The following DAB1 variants were observed in gnomAD, a reference collection of about 807,000 sequenced individuals.
DAB1 encodes disabled homolog 1.
DAB1 carries 15 observed loss-of-function variants against 64.6 expected under a neutral mutation model. The ratio of observed to expected loss-of-function variants is 0.23; its 90% confidence interval spans 0.16 to 0.36. The LOEUF (loss-of-function observed/expected upper bound fraction) is 0.36. Ranked by LOEUF, DAB1 falls within the 10% of genes least tolerant of loss-of-function variation. The pLI is 1.00. For synonymous variants in DAB1, 235 were observed against 251.9 expected (o/e 0.93, Z 0.64); for missense variants, 596 against 706.7 (o/e 0.84, Z 1.78).
intron 4 of DAB1, among the ~76,000 whole-genome samples, chr1:58,220,374 C>T (rs993841390): frequency 1.2e-4 from 19 of 152,128 alleles, no homozygotes; most frequent in African/African-American, 4.1e-4. Flanking sequence ...GTGTTTCTAA[C>T]ATGACCATGG....
intron 5 of DAB1, among the ~76,000 whole-genome samples, chr1:58,087,510 T>C (rs1206649258): frequency 2.0e-5 from 3 of 152,210 alleles, no homozygotes; most frequent in Non-Finnish European, 4.4e-5. Context: ...GAGCTTGATC[T>C]GATATAGGGA....
At chr1:57,219,264 A>AAC (rs60049165) in intron 2 of DAB1, among the ~76,000 whole-genome samples, 29,597 of 149,474 alleles carry the variant, frequency 0.2, 3,162 homozygotes, top group East Asian at 0.38. Context: ...GAGGCATTTC[A>AAC]ACACACACAC....
chr1:58,147,479 G>C (rs769846645), intron 5 of DAB1, among the ~76,000 whole-genome samples: 1 of 151,384 alleles, frequency 6.6e-6, no homozygotes, highest in African/African-American at 2.4e-5. Flanking sequence ...TTAGCCAGGC[G>C]TGGTGGCAGA....
chr1:58,177,128 A>G (rs1656527145), intron 4 of DAB1, among the ~76,000 whole-genome samples: 1 of 152,228 alleles, frequency 6.6e-6, no homozygotes, highest in African/African-American at 2.4e-5. Flanking sequence ...TGGAGCTCAG[A>G]TAATTTCAGT....
chr1:57,470,715 T>G (rs1464814014), intron 7 of DAB1, among the ~76,000 whole-genome samples: 1 of 152,204 alleles, frequency 6.6e-6, no homozygotes, highest in African/African-American at 2.4e-5. Context: ...GAGTGAAAAC[T>G]ATTGAATAGC....
chr1:57,759,701 C>T (rs1408138), intron 6 of DAB1, among the ~76,000 whole-genome samples: 35,321 of 151,994 alleles, frequency 0.23, 7,181 homozygotes, highest in African/African-American at 0.55. Context: ...AGGATTATTC[C>T]ACCTACTCTT....
intron 6 of DAB1, among the ~76,000 whole-genome samples, chr1:57,735,082 T>G (rs1003439261): frequency 1.3e-5 from 2 of 152,248 alleles, no homozygotes; most frequent in Non-Finnish European, 2.9e-5. Flanking sequence ...TGGTTTTGAT[T>G]GAGGAAAAGC....
intron 4 of DAB1, among the ~76,000 whole-genome samples, chr1:58,290,801 A>C (rs1434237210): frequency 2.6e-5 from 4 of 152,134 alleles, no homozygotes; most frequent in Non-Finnish European, 5.9e-5. Context: ...TGCTGCTGCA[A>C]GTTAGGATCC....
At chr1:57,324,833 C>T (rs962275491) in intron 1 of DAB1, among the ~76,000 whole-genome samples, 1 of 152,170 alleles carries the variant, frequency 6.6e-6, no homozygotes, top group African/African-American at 2.4e-5. Context: ...CCATCCTCCA[C>T]CACTACCCTC....
chr1:57,267,958 C>G (rs1670714492), intron 2 of DAB1, among the ~76,000 whole-genome samples: 1 of 152,112 alleles, frequency 6.6e-6, no homozygotes. Context: ...TTCCAACTCC[C>G]CACAGGGTTT....
intron 3 of DAB1, among the ~76,000 whole-genome samples, chr1:58,374,435 G>T (rs1359465208): frequency 2.0e-5 from 3 of 150,160 alleles, no homozygotes; most frequent in Admixed American, 1.3e-4. Flanking sequence ...ATTAAATAGG[G>T]AATCCTTTCC....
intron 5 of DAB1, among the ~76,000 whole-genome samples, chr1:58,072,393 CA>C (rs1649332051): frequency 6.6e-6 from 1 of 152,066 alleles, no homozygotes; most frequent in African/African-American, 2.4e-5. Flanking sequence ...AATCCAGAAG[CA>C]AAAAACCCTA....
chr1:56,999,955 C>T (rs1345851082), intron 14 of DAB1, among the ~76,000 whole-genome samples: 2 of 151,804 alleles, frequency 1.3e-5, no homozygotes, highest in East Asian at 1.9e-4. Context: ...TACAATCCTT[C>T]GTCCAAATGT....
intron 4 of DAB1, among the ~76,000 whole-genome samples, chr1:58,342,242 A>C (rs922774037): frequency 6.6e-6 from 1 of 152,172 alleles, no homozygotes; most frequent in African/African-American, 2.4e-5. Context: ...CATGATGATA[A>C]GATATTTGTA....
chr1:57,515,447 A>G (rs574911907), intron 7 of DAB1, among the ~76,000 whole-genome samples: 1 of 152,370 alleles, frequency 6.6e-6, no homozygotes, highest in East Asian at 1.9e-4. Flanking sequence ...TAATATTTGA[A>G]GCAAGGTATT....
chr1:56,998,984 G>C (rs2101609008), intron 14 of DAB1, among the ~76,000 whole-genome samples: 1 of 152,310 alleles, frequency 6.6e-6, no homozygotes, highest in Admixed American at 6.5e-5. Flanking sequence ...AGCATGCACA[G>C]GACCTTCTGT....
intron 5 of DAB1, among the ~76,000 whole-genome samples, chr1:58,022,597 A>C (rs1399233916): frequency 2.6e-5 from 4 of 152,190 alleles, no homozygotes; most frequent in African/African-American, 9.6e-5. Flanking sequence ...ACTGAAAGGC[A>C]TGACTCACGG....
At chr1:57,817,642 T>G (rs527710010) in intron 6 of DAB1, among the ~76,000 whole-genome samples, 2 of 152,258 alleles carry the variant, frequency 1.3e-5, no homozygotes, top group African/African-American at 4.8e-5. Flanking sequence ...GCTGCCCCAC[T>G]CAAAATTATT....
At chr1:58,294,865 CGTGTGTGTGTGTGTGTGTGTGT>C (rs55922554) in intron 4 of DAB1, among the ~76,000 whole-genome samples, 7 of 137,726 alleles carry the variant, frequency 5.1e-5, no homozygotes, top group Non-Finnish European at 7.9e-5. Flanking sequence ...TGGTCCAGAA[CGTGTGTGTGTGTGTGTGTGTGT>C]GTGTGTGTGT....
Sources: gnomAD v4.1 joint callset for allele counts (sites outside exome capture counted in the v4.1 genomes callset) on GRCh38, gnomAD v4.1.1 for gene constraint, MANE v1.5 for transcripts, NCBI Gene and HGNC (gene_info 2026-07-23, HGNC 2026-07-21) for gene names.